Variants in DPP6 observed in about 807,000 individuals in gnomAD.
The protein encoded by DPP6 is A-type potassium channel modulatory protein DPP6.
DPP6 carries 69 observed loss-of-function variants against 122.6 expected under a neutral mutation model. The ratio of observed to expected loss-of-function variants is 0.56; its 90% confidence interval spans 0.46 to 0.69. The LOEUF is 0.69. Among genes scored for constraint, DPP6 ranks in the 30% least tolerant of loss-of-function variants. The pLI is 0.00. For missense variants in DPP6, 928 were observed against 1,116.9 expected (o/e 0.83, Z 2.41); for synonymous variants, 418 against 433.1 (o/e 0.97, Z 0.43).
At chr7:154,660,271 G>T (rs1221726833) in intron 6 of DPP6, among the ~76,000 whole-genome samples, 2 of 40,896 alleles carry the variant, frequency 4.9e-5, no homozygotes, top group African/African-American at 9.5e-5. Context: ...CGTATTGGCC[G>T]TAGTGTTCAC....
At chr7:154,771,361 G>A (rs1013601056) in intron 9 of DPP6, among the ~76,000 whole-genome samples, 1 of 152,212 alleles carries the variant, frequency 6.6e-6, no homozygotes, top group Non-Finnish European at 1.5e-5. Flanking sequence ...TTCCTGGTGA[G>A]GGCTCTCTTC....
intron 1 of DPP6, among the ~76,000 whole-genome samples, chr7:154,394,736 G>A (rs1342757517): frequency 6.6e-6 from 1 of 152,004 alleles, no homozygotes; most frequent in Non-Finnish European, 1.5e-5. Flanking sequence ...CTTACATTTA[G>A]GTCTTTGATC....
chr7:154,415,418 T>G (rs1271687665), intron 1 of DPP6, among the ~76,000 whole-genome samples: 1 of 152,180 alleles, frequency 6.6e-6, no homozygotes, highest in African/African-American at 2.4e-5. Context: ...CTTGCCTTCC[T>G]CAAGCATGCT....
At chr7:154,029,298 C>G (rs1215283930) in intron 1 of DPP6, among the ~76,000 whole-genome samples, 86 of 147,950 alleles carry the variant, frequency 5.8e-4, no homozygotes, top group Admixed American at 3.4e-3. Context: ...GGGTGGATCA[C>G]GAGGTCAGGA....
At chr7:153,823,076 G>A in the DPP6 span, among the ~76,000 whole-genome samples, 1 of 151,982 alleles carries the variant, frequency 6.6e-6, no homozygotes, top group Admixed American at 6.5e-5. Context: ...ATAGTCCTTA[G>A]CAATCACACT....
At chr7:154,433,103 C>T (rs375265368) in intron 1 of DPP6, among the ~76,000 whole-genome samples, 1 of 148,208 alleles carries the variant, frequency 6.7e-6, no homozygotes, top group African/African-American at 2.5e-5. Flanking sequence ...ATAACAAGTT[C>T]CTGTAGGTAA....
intron 3 of DPP6, among the ~76,000 whole-genome samples, chr7:154,505,703 A>AAT (rs1374943276): frequency 9.9e-5 from 15 of 152,188 alleles, no homozygotes; most frequent in Non-Finnish European, 2.2e-4. Context: ...ACAGAAGTAA[A>AAT]ATGCCTTTCT....
At chr7:154,384,655 A>G (rs758110315) in intron 1 of DPP6, among the ~76,000 whole-genome samples, 3 of 152,148 alleles carry the variant, frequency 2.0e-5, no homozygotes, top group African/African-American at 4.8e-5. Flanking sequence ...TTTTATTTCC[A>G]AAAAAATGGA....
the DPP6 span, among the ~76,000 whole-genome samples, chr7:153,752,949 C>T: frequency 6.6e-6 from 1 of 151,884 alleles, no homozygotes; most frequent in Non-Finnish European, 1.5e-5. Flanking sequence ...AAGAAAATCC[C>T]CATGTAACAG....
chr7:153,999,007 C>A (rs554023396), intron 1 of DPP6, among the ~76,000 whole-genome samples: 1 of 152,228 alleles, frequency 6.6e-6, no homozygotes, highest in Admixed American at 6.5e-5. Flanking sequence ...AGTGACTTAA[C>A]GTGGCTGGCC....
At chr7:154,803,982 A>G (rs2150456415) in intron 14 of DPP6, 27 bp downstream of exon 14, 1 of 1,609,912 alleles carries the variant, frequency 6.2e-7, no homozygotes, top group East Asian at 2.2e-5. Flanking sequence ...GGCCTGCCCC[A>G]TCTTACTGGC....
intron 8 of DPP6, among the ~76,000 whole-genome samples, chr7:154,750,373 G>C (rs1368316152): frequency 6.6e-6 from 1 of 152,264 alleles, no homozygotes; most frequent in Non-Finnish European, 1.5e-5. Context: ...AGGGCCGCCT[G>C]TGCCGGAGCA....
chr7:153,876,630 C>T, the DPP6 span, among the ~76,000 whole-genome samples: 7 of 152,044 alleles, frequency 4.6e-5, no homozygotes, highest in East Asian at 1.2e-3. Context: ...CAATAATTTA[C>T]CCAATAGAAC....
upstream of DPP6, among the ~76,000 whole-genome samples, chr7:154,051,368 G>A (rs1313211796): frequency 9.5e-5 from 14 of 147,162 alleles, no homozygotes; most frequent in Admixed American, 9.4e-4. Context: ...ACGTGGGGAC[G>A]AGACGAGAGA....
At chr7:154,286,160 A>AT (rs1446395321) in intron 1 of DPP6, among the ~76,000 whole-genome samples, 2 of 152,146 alleles carry the variant, frequency 1.3e-5, no homozygotes, top group Non-Finnish European at 2.9e-5. Flanking sequence ...GCGCACTGAG[A>AT]TTTTAAGGAG....
chr7:154,097,416 C>T (rs758857678), intron 1 of DPP6, among the ~76,000 whole-genome samples: 4 of 152,358 alleles, frequency 2.6e-5, no homozygotes, highest in East Asian at 1.9e-4. Context: ...GGGCAGGACC[C>T]GTCTGATTCA....
intron 1 of DPP6, among the ~76,000 whole-genome samples, chr7:153,917,477 C>T (rs1208694780): frequency 6.6e-6 from 1 of 152,178 alleles, no homozygotes; most frequent in Non-Finnish European, 1.5e-5. Context: ...GGCAGTTTAC[C>T]TCCTCCCGCT....
rs180948143 is a variant in DPP6 at position 154,062,843 on chromosome 7, C to T, written c.243+9780C>T. Reference sequence around the variant, plus strand: ...GGCACCCCCCGCGAGGCGGGGACTGCGAGCCAGACCCTCTTCCTCCCCCAG... The same window carrying T: ...GGCACCCCCCGCGAGGCGGGGACTGTGAGCCAGACCCTCTTCCTCCCCCAG... On this transcript the variant is annotated intron_variant, in intron 1 of 25. Transcript: ENST00000377770. Among the ~76,000 whole-genome samples, 21 of 121,190 alleles carry T rather than the reference C, an allele frequency of 1.7e-4. 4 individuals carry two copies. Among genetic ancestry groups the T allele is most frequent in the Non-Finnish European group, 3.0e-4 (17 of 56,964 alleles). 79.5% of individuals were successfully genotyped at this position (121,190 alleles called of 152,430 possible).
intron 1 of DPP6, among the ~76,000 whole-genome samples, chr7:154,170,680 G>A (rs1333911544): frequency 6.6e-6 from 1 of 152,240 alleles, no homozygotes; most frequent in Non-Finnish European, 1.5e-5. Context: ...CAATGAAACA[G>A]GACGCAAGGA....
Sources: allele counts gnomAD v4.1 joint callset (sites outside exome capture counted in the v4.1 genomes callset), GRCh38; gene constraint gnomAD v4.1.1; transcripts MANE v1.5; gene names NCBI Gene and HGNC (gene_info 2026-07-23, HGNC 2026-07-21).